Variants in NBPF15 observed in about 807,000 individuals in gnomAD.
The protein encoded by NBPF15 is NBPF member 15.
Under a neutral mutation model 62.2 loss-of-function variants are expected in NBPF15, and 74 were observed. The ratio of observed to expected loss-of-function variants is 1.19; its 90% CI spans 0.99 to 1.44. The LOEUF is 1.44. Among genes scored for constraint, NBPF15 ranks in the 40% most tolerant of loss-of-function variants. NBPF15 has a pLI of 0.00. For synonymous variants in NBPF15, 244 were observed against 209.7 expected (o/e 1.16, Z -1.41); for missense variants, 790 against 550.0 (o/e 1.44, Z -4.36).
intron 5 of NBPF15, among the ~76,000 whole-genome samples, chr1:144,450,458 A>T (rs1690368935): frequency 6.6e-6 from 1 of 152,030 alleles, no homozygotes; most frequent in South Asian, 2.1e-4. Context: ...ACAAACAAGA[A>T]TAGGAACTCT....
intron 6 of NBPF15, among the ~76,000 whole-genome samples, chr1:144,444,224 C>T (rs1212269030): frequency 6.8e-6 from 1 of 148,084 alleles, no homozygotes; most frequent in African/African-American, 2.5e-5. Flanking sequence ...GCCTCCGTAA[C>T]AACTGTTTCA....
At chr1:144,452,291 A>G in intron 4 of NBPF15, among the ~76,000 whole-genome samples, 1 of 152,104 alleles carries the variant, frequency 6.6e-6, no homozygotes, top group East Asian at 1.9e-4. Context: ...GGTAAAAAAT[A>G]CCAGTCACCA....
rs1553539417 is a variant in NBPF15, at chr1:144,427,094, A to C, written c.1218T>G (p.Ile406Met). The C allele has an allele frequency of 1.7e-6, 1 of 572,256 alleles. No homozygotes were observed. Among genetic ancestry groups the C allele is most frequent in the African/African-American group, 2.3e-5 (1 of 43,066 alleles). The allele number at this position is 572,256 out of a possible 1,614,324, so 35.4% of individuals were successfully genotyped here. ...CTTCTTCCACTTCTTGGTACTTTTCAATTTCTGCAATAAGTTCAGACATGG... is the reference window on the plus strand; with the variant it reads ...CTTCTTCCACTTCTTGGTACTTTTCCATTTCTGCAATAAGTTCAGACATGG... ...RVGLAIDMDEIEKYQEVEEDQ... is the reference protein window; with the variant it reads ...RVGLAIDMDEMEKYQEVEEDQ... Residue 406 changes from isoleucine to methionine, a missense_variant, in exon 17 of 22, where the codon ATT becomes ATG. Physicochemically the swap from Ile to Met is conservative, Grantham distance 10 (BLOSUM62 1). Coordinates refer to ENST00000581897, the MANE Select transcript of NBPF15 (RefSeq NM_001385408.1).
intron 19 of NBPF15, among the ~76,000 whole-genome samples, chr1:144,425,097 CACACACAG>C (rs1668744158): frequency 6.9e-6 from 1 of 145,124 alleles, no homozygotes; most frequent in Admixed American, 6.8e-5. Flanking sequence ...CACACACACA[CACACACAG>C]ACACACACAC....
chr1:144,445,736 A>T (rs1472599403), intron 6 of NBPF15, among the ~76,000 whole-genome samples: 1 of 149,084 alleles, frequency 6.7e-6, no homozygotes, highest in Non-Finnish European at 1.5e-5. Context: ...AAACATAACA[A>T]CTCTTCTGAT....
chr1:144,433,402 A>G (rs1376056289), intron 13 of NBPF15, among the ~76,000 whole-genome samples: 5 of 151,872 alleles, frequency 3.3e-5, no homozygotes, highest in African/African-American at 1.2e-4. Flanking sequence ...CGAGAGAAGC[A>G]AAGCAAACAA....
chr1:144,453,804 C>A (rs1553546111), intron 4 of NBPF15, among the ~76,000 whole-genome samples: 1 of 141,288 alleles, frequency 7.1e-6, no homozygotes, highest in Admixed American at 7.2e-5. Flanking sequence ...ATGGCTAAAA[C>A]ACAAAACGGT....
rs1222452098 is a variant in NBPF15, at chr1:144,440,111, G to A, written c.-36+30C>T. On this transcript the variant is annotated intron_variant, in intron 7 of 21. Transcript: ENST00000581897. ...TCAAATAGGTTTAATCAGGACTGAGGGATGTAAGTAACTGAAATTCTTAAC... is the reference window on the plus strand; with the variant it reads ...TCAAATAGGTTTAATCAGGACTGAGAGATGTAAGTAACTGAAATTCTTAAC... 6 of 1,579,888 alleles carry A rather than the reference G, an allele frequency of 3.8e-6. No homozygotes were observed. The African/African-American group carries it at 8.1e-5, about 21-fold the overall frequency.
intron 4 of NBPF15, among the ~76,000 whole-genome samples, chr1:144,451,432 C>G (rs1553545482): frequency 6.6e-6 from 1 of 151,074 alleles, no homozygotes; most frequent in Non-Finnish European, 1.5e-5. Flanking sequence ...TAATCCTCCT[C>G]AGCACAGACC....
In NBPF15 at chr1:144,423,195, A is replaced by T. The variant is rs781892104; in HGVS notation, c.1831T>A (p.Cys611Ser). 5 of 1,611,510 alleles carry T rather than the reference A, an allele frequency of 3.1e-6. No homozygotes were observed. The highest frequency in any genetic ancestry group is 1.1e-5 in the South Asian group (1 of 90,978). ...AAGTACATTGACGGAGTCGAATAACATCTATCCAGTGAGTCCTGTAAGACT... is the reference window on the plus strand; with the variant it reads ...AAGTACATTGACGGAGTCGAATAACTTCTATCCAGTGAGTCCTGTAAGACT... ...PEVLQDSLDR[C>S]YSTPSMYFEQ... The change falls in exon 22 of 22, where the codon TGT (cysteine) becomes AGT (serine). Residue 611 changes from cysteine to serine, a missense_variant. Cys to Ser is a moderately radical substitution (Grantham distance 112, BLOSUM62 -1). Coordinates refer to ENST00000581897, the MANE Select transcript of NBPF15 (RefSeq NM_001385408.1).
chr1:144,427,705 T>A lies in NBPF15; in HGVS notation c.1213+113A>T, dbSNP rs1301755826. ...CATTCAACCTACATGTGCCTATAGG[T>A]CCTCCCTGTGGCAATGACATCTCTC... On this transcript the variant is annotated intron_variant, in intron 16 of 21. Transcript: ENST00000581897. 1.2e-4 allele frequency: 71 copies of A among 617,130 alleles called. 1 individual carries two copies. Among genetic ancestry groups the A allele is most frequent in the Middle Eastern group, 4.4e-4 (1 of 2,286 alleles). 38.2% of individuals were successfully genotyped at this position (617,130 alleles called of 1,614,324 possible).
Position 144,423,825 on chromosome 1 carries a change from C to T in NBPF15, c.1769+45G>A, listed in dbSNP as rs1427363273. 7.7e-5 allele frequency: 59 copies of T among 761,296 alleles called. 1 individual carries two copies. The highest frequency in any genetic ancestry group is 6.6e-4 in the South Asian group (49 of 74,158). The allele number at this position is 761,296 out of a possible 1,614,324, so 47.2% of individuals were successfully genotyped here. On this transcript the variant is annotated intron_variant, in intron 21 of 21. Transcript: ENST00000581897. ...CTGGTTTCCCTGAATCTGTTGCCTC[C>T]AGGTGTTAACACAGAATTAAGCATC... is the stretch of plus-strand genomic sequence containing the variant.
intron 4 of NBPF15, among the ~76,000 whole-genome samples, chr1:144,455,089 G>GAAGA (rs781841780): frequency 7.1e-6 from 1 of 139,926 alleles, no homozygotes; most frequent in African/African-American, 2.7e-5. Flanking sequence ...GGGAAGGAAG[G>GAAGA]AGGAAGGAAG....
intron 2 of NBPF15, 95 bp from the exon 3 acceptor site, chr1:144,459,578 G>A (rs1650887362): frequency 6.6e-6 from 1 of 151,618 alleles, no homozygotes; most frequent in South Asian, 2.1e-4. Context: ...TGAAAAAAGG[G>A]AAATGCAATA....
At chr1:144,441,315 C>G (rs1682772730) in intron 6 of NBPF15, among the ~76,000 whole-genome samples, 1 of 151,886 alleles carries the variant, frequency 6.6e-6, no homozygotes, top group Admixed American at 6.6e-5. Flanking sequence ...TTTTCAGTTG[C>G]TCTACATTCC....
At position 144,422,939 on chromosome 1, in the gene NBPF15, A is replaced by G; in HGVS notation, c.*74T>C. The G allele has an allele frequency of 6.2e-7, 1 of 1,611,470 alleles. No homozygotes were observed. ...TGTCTGGGCTTCCAAATGGAACTGTACTTTCATTCAAATCTTCTCGTGCCT... is the reference window on the plus strand; with the variant it reads ...TGTCTGGGCTTCCAAATGGAACTGTGCTTTCATTCAAATCTTCTCGTGCCT... On this transcript the variant is annotated 3_prime_UTR_variant, in exon 22 of 22. Coordinates refer to ENST00000581897, the MANE Select transcript of NBPF15 (RefSeq NM_001385408.1).
Position 144,426,990 on chromosome 1 carries a change from A to T in NBPF15, c.1265+57T>A, listed in dbSNP as rs1405097718. The T allele has an allele frequency of 5.3e-6, 4 of 749,806 alleles. No individual in the cohort carries two copies. The Admixed American group carries it at 7.1e-5, about 13-fold the overall frequency. The allele number at this position is 749,806 out of a possible 1,614,324, so 46.4% of individuals were successfully genotyped here. On this transcript the variant is annotated intron_variant, in intron 17 of 21. Coordinates refer to ENST00000581897, the MANE Select transcript of NBPF15 (RefSeq NM_001385408.1). The stretch of plus-strand genomic sequence containing the variant: ...TTGAACACACTCTTGTTTTCCCTGG[A>T]CCTGGCATCTCCAGGTGTCAACACA...
Position 144,426,317 on chromosome 1 carries a change from A to G in NBPF15, c.1399T>C (p.Leu467=). The change falls in exon 18 of 22, where the codon TTG becomes CTG. Residue 467 remains leucine, a synonymous_variant. Transcript: ENST00000581897. ...GQPYSSAVYS[L]EEQYLGLALD... Reference sequence around the variant, plus strand: ...GCCAAGCCAAGGTACTGTTCCTCCAATGAGTAAACAGCACTGCTGTAGGGC... The same window carrying G: ...GCCAAGCCAAGGTACTGTTCCTCCAGTGAGTAAACAGCACTGCTGTAGGGC... 1.3e-6 allele frequency: 1 copy of G among 749,754 alleles called. No homozygotes were observed. Among genetic ancestry groups the G allele is most frequent in the Non-Finnish European group, 2.5e-6 (1 of 406,280 alleles). 46.4% of individuals were successfully genotyped at this position (749,754 alleles called of 1,614,324 possible).
intron 2 of NBPF15, among the ~76,000 whole-genome samples, chr1:144,459,803 T>C (rs1401992403): frequency 6.6e-6 from 1 of 151,598 alleles, no homozygotes. Flanking sequence ...AATGGCAAAA[T>C]AATTTTTAAC....
Sources: allele counts gnomAD v4.1 joint callset (sites outside exome capture counted in the v4.1 genomes callset), GRCh38; gene constraint gnomAD v4.1.1; transcripts MANE v1.5; gene names NCBI Gene and HGNC (gene_info 2026-07-23, HGNC 2026-07-21).